Variants in KLHL2 observed in about 807,000 individuals in gnomAD.
The protein encoded by KLHL2 is kelch like family member 2, also known as kelch-like protein 2.
In KLHL2, 15 loss-of-function variants were observed where a neutral mutation model predicts 75.8. That is an observed-to-expected ratio of 0.20 (90% CI 0.13 to 0.30). The LOEUF (loss-of-function observed/expected upper bound fraction) is 0.30, where lower values mean the gene tolerates loss of function less well. Ranked by LOEUF, KLHL2 falls within the 10% of genes least tolerant of loss-of-function variation. KLHL2 has a pLI of 1.00. For synonymous variants in KLHL2, 214 were observed against 251.9 expected, an observed-to-expected ratio of 0.85 and a Z score of 1.42; for missense variants, 381 against 741.0, an observed-to-expected ratio of 0.51 and a Z score of 5.64.
At chr4:165,240,884 G>A (rs1477450825) in intron 4 of KLHL2, among the ~76,000 whole-genome samples, 1 of 152,150 alleles carries the variant, frequency 6.6e-6, no homozygotes, top group Non-Finnish European at 1.5e-5. Context: ...TAGTTCTTGT[G>A]GTGGGGACAT....
intron 9 of KLHL2, among the ~76,000 whole-genome samples, chr4:165,307,367 C>T (rs908578807): frequency 7.9e-5 from 12 of 152,160 alleles, no homozygotes; most frequent in Non-Finnish European, 1.6e-4. Flanking sequence ...ATTTTACTTA[C>T]AGAAGAGTTG....
intron 5 of KLHL2, among the ~76,000 whole-genome samples, chr4:165,264,673 CGTATAT>C (rs1742010746): frequency 1.2e-5 from 1 of 83,722 alleles, no homozygotes; most frequent in African/African-American, 4.4e-5. Flanking sequence ...TGTCTACATA[CGTATAT>C]GTATGTGTGT....
intron 2 of KLHL2, among the ~76,000 whole-genome samples, chr4:165,226,544 G>T (rs1738452452): frequency 1.3e-5 from 2 of 151,432 alleles, no homozygotes; most frequent in Non-Finnish European, 2.9e-5. Flanking sequence ...TTTTTGCATT[G>T]CCAGTTTTTT....
intron 5 of KLHL2, chr4:165,277,916 A>C (rs1743271571): frequency 2.3e-6 from 2 of 876,302 alleles, no homozygotes; most frequent in African/African-American, 1.6e-5. Context: ...GCATTAAGAG[A>C]CAATTGCTGG....
intron 4 of KLHL2, among the ~76,000 whole-genome samples, chr4:165,240,759 A>G: frequency 6.6e-6 from 1 of 152,226 alleles, no homozygotes; most frequent in Non-Finnish European, 1.5e-5. Flanking sequence ...CCTTCAACAA[A>G]TGAATTACTG....
intron 4 of KLHL2, among the ~76,000 whole-genome samples, chr4:165,243,120 G>C (rs965579495): frequency 3.3e-5 from 5 of 151,932 alleles, no homozygotes; most frequent in African/African-American, 9.7e-5. Context: ...TTTTTTTCAC[G>C]ATCCAAAAAT....
At chr4:165,239,067 GA>G (rs1296095871) in intron 4 of KLHL2, among the ~76,000 whole-genome samples, 168 bp downstream of exon 4, 1 of 152,078 alleles carries the variant, frequency 6.6e-6, no homozygotes, top group Non-Finnish European at 1.5e-5. Context: ...TAATGTTTCT[GA>G]GTTCAGTATC....
chr4:165,219,281 C>T (rs1474964518), intron 1 of KLHL2, among the ~76,000 whole-genome samples: 5 of 152,262 alleles, frequency 3.3e-5, no homozygotes, highest in Non-Finnish European at 7.3e-5. Context: ...CCATTTACCC[C>T]GTTACTCAAA....
At chr4:165,277,562 A>C (rs1459449390) in intron 5 of KLHL2, among the ~76,000 whole-genome samples, 3 of 152,250 alleles carry the variant, frequency 2.0e-5, no homozygotes, top group Non-Finnish European at 4.4e-5. Flanking sequence ...TAACCTTTTA[A>C]TCAAGTATAT....
At chr4:165,276,101 C>A (rs1263808770) in intron 5 of KLHL2, among the ~76,000 whole-genome samples, 1 of 152,154 alleles carries the variant, frequency 6.6e-6, no homozygotes, top group Non-Finnish European at 1.5e-5. Context: ...GCACTGTAGC[C>A]TGGGCAACAG....
intron 5 of KLHL2, among the ~76,000 whole-genome samples, chr4:165,292,979 C>T (rs914834504): frequency 1.3e-5 from 2 of 152,128 alleles, no homozygotes; most frequent in African/African-American, 4.8e-5. Context: ...CTTATTTAAT[C>T]CTCACAGCAA....
At chr4:165,275,077 C>T (rs1188333251) in intron 5 of KLHL2, among the ~76,000 whole-genome samples, 1 of 151,822 alleles carries the variant, frequency 6.6e-6, no homozygotes, top group Admixed American at 6.6e-5. Context: ...CTATGGTCAG[C>T]CTTCGTTACA....
chr4:165,266,038 C>T (rs9995065), intron 5 of KLHL2, among the ~76,000 whole-genome samples: 35,241 of 151,994 alleles, frequency 0.23, 6,186 homozygotes, highest in African/African-American at 0.5. Context: ...TGGTATCTCA[C>T]TGTGGTTTTG....
Position 165,313,277 on chromosome 4 carries a change from G to A in KLHL2, c.1379G>A (p.Arg460His), listed in dbSNP as rs1390040232. 2.5e-6 allele frequency: 4 copies of A among 1,610,286 alleles called. No individual in the cohort carries two copies. Among genetic ancestry groups the A allele is most frequent in the Admixed American group, 1.7e-5 (1 of 59,280 alleles). The change falls in exon 12 of 15, where the codon CGT (arginine) becomes CAT (histidine). Residue 460 changes from arginine to histidine, a missense_variant. This residue lies in a region of KLHL2 where 168 missense variants were observed against 370.4 expected (regional missense o/e 0.45). Transcript: ENST00000226725. ...YAVGGYDGAS[R>H]QCLSTVECYN... ...GTAGGAGGTTATGATGGAGCATCAC[G>A]TCAGTGTCTTAGCACAGTAGAATGC... is the stretch of plus-strand genomic sequence containing the variant.
At chr4:165,299,275 G>A (rs1745166516) in intron 7 of KLHL2, among the ~76,000 whole-genome samples, 1 of 152,052 alleles carries the variant, frequency 6.6e-6, no homozygotes, top group Admixed American at 6.5e-5. Context: ...TTTCACTGTG[G>A]TTCTTCTTTT....
chr4:165,281,155 A>G (rs1421520608), intron 5 of KLHL2, among the ~76,000 whole-genome samples: 1 of 152,098 alleles, frequency 6.6e-6, no homozygotes, highest in East Asian at 1.9e-4. Flanking sequence ...ATTTTGTTCA[A>G]AAAGGTGCTT....
chr4:165,263,119 T>C (rs1255291294), intron 4 of KLHL2, 78 bp from the exon 5 acceptor site: 2 of 1,329,098 alleles, frequency 1.5e-6, no homozygotes, highest in Non-Finnish European at 2.1e-6. Flanking sequence ...CTGAACATCT[T>C]GTGTCCTATG....
chr4:165,209,704 C>T (rs1355146956), intron 1 of KLHL2, among the ~76,000 whole-genome samples: 2 of 152,182 alleles, frequency 1.3e-5, no homozygotes, highest in Non-Finnish European at 2.9e-5. Context: ...GGAATGCCAG[C>T]ATGGATGAAA....
intron 3 of KLHL2, among the ~76,000 whole-genome samples, chr4:165,231,708 C>T (rs979913975): frequency 6.6e-6 from 1 of 152,128 alleles, no homozygotes; most frequent in African/African-American, 2.4e-5. Flanking sequence ...ATGAATAATA[C>T]TGCTATGAAT....
Sources: allele counts gnomAD v4.1 joint callset (sites outside exome capture counted in the v4.1 genomes callset), GRCh38; gene constraint gnomAD v4.1.1; regional missense constraint gnomAD v4.1.1; transcripts MANE v1.5; gene names NCBI Gene and HGNC (gene_info 2026-07-23, HGNC 2026-07-21).